The following FMO5 variants were observed in gnomAD, a reference collection of about 807,000 sequenced individuals.
FMO5 encodes flavin-containing monooxygenase 5.
Under a neutral mutation model 43.6 loss-of-function variants are expected in FMO5, and 51 were observed. The ratio of observed to expected loss-of-function variants is 1.17; its 90% CI spans 0.93 to 1.48. The LOEUF (loss-of-function observed/expected upper bound fraction) is 1.48, where lower values mean the gene tolerates loss of function less well. Ranked by LOEUF, FMO5 falls within the 40% of genes most tolerant of loss-of-function variation. The probability of loss-of-function intolerance (pLI) is 0.00; values close to 1 mark genes in which losing one functional copy is unlikely to be tolerated. For synonymous variants in FMO5, 187 were observed against 216.5 expected (o/e 0.86, Z 1.20); for missense variants, 644 against 643.0 (o/e 1.00, Z -0.02).
chr1:147,186,361 C>CA lies in FMO5; in HGVS notation c.*538dup, dbSNP rs587634161. On this transcript the variant is annotated 3_prime_UTR_variant, in exon 9 of 9. Transcript: ENST00000254090. ...GTACACTAGTGAATAGCAAGTGAAA[C>CA]AAAATGTCTTAAGCATCTATATGTC... 1 of 954,216 alleles carries CA rather than the reference C, an allele frequency of 1.0e-6. No homozygotes were observed. Among genetic ancestry groups the CA allele is most frequent in the African/African-American group, 1.8e-5 (1 of 56,472 alleles). 59.1% of individuals were successfully genotyped at this position (954,216 alleles called of 1,614,324 possible). A position where few individuals can be genotyped will look rare whatever the true frequency, so the allele number is the denominator to read the frequency against.
downstream of FMO5, among the ~76,000 whole-genome samples, chr1:147,184,801 T>A (rs1655476377): frequency 6.6e-6 from 1 of 152,112 alleles, no homozygotes; most frequent in Admixed American, 6.6e-5. The surrounding 1 kb of genome is among the most constrained non-coding windows in gnomAD (Gnocchi z 4.4). Context: ...ATTTTCCCCC[T>A]TTCCATATGT....
In FMO5 at chr1:147,203,996, A is replaced by G. The variant is rs587631886; in HGVS notation, c.831-2492T>C. On this transcript the variant is annotated intron_variant, in intron 6 of 8. Coordinates refer to ENST00000254090, the MANE Select transcript of FMO5 (RefSeq NM_001461.4). ...GACATCCCATTTTGAGTTTAGCTTC[A>G]CTAACATCATATTATATTTGTTTGC... is the stretch of plus-strand genomic sequence containing the variant. 55 of 1,161,378 alleles carry G rather than the reference A, an allele frequency of 4.7e-5. No homozygotes were observed. The African/African-American group carries it at 6.8e-4, about 14-fold the overall frequency. 71.9% of individuals were successfully genotyped at this position (1,161,378 alleles called of 1,614,324 possible). A position where few individuals can be genotyped will look rare whatever the true frequency, so the allele number is the denominator to read the frequency against.
chr1:147,190,836 C>T (rs1312166074), intron 7 of FMO5, among the ~76,000 whole-genome samples: 1 of 151,736 alleles, frequency 6.6e-6, no homozygotes, highest in South Asian at 2.1e-4. Flanking sequence ...CTCCCCACTA[C>T]CCCCACCCCA....
At chr1:147,204,986 C>G (rs1489639613) in intron 6 of FMO5, 1 of 1,017,928 alleles carries the variant, frequency 9.8e-7, no homozygotes, top group Non-Finnish European at 1.5e-6. Context: ...GCGGAGGAAC[C>G]AAAGGTTTTC....
At position 147,209,042 on chromosome 1, in the gene FMO5, T is replaced by A. The variant is rs782373884; in HGVS notation, c.640A>T (p.Ser214Cys). The A allele has an allele frequency of 6.2e-7, 1 of 1,613,568 alleles. No homozygotes were observed. Among genetic ancestry groups the A allele is most frequent in the East Asian group, 2.2e-5 (1 of 44,864 alleles). ...ISQTAKQVFL[S>C]TRRGAWILNR... ...AGGATCCAAGCCCCTCTCCTGGTGC[T>A]GAGGAAAACCTGGGGCATGGAAGAA... Residue 214 changes from serine (S) to cysteine (C), a missense_variant, in exon 6 of 9, where the codon AGC (serine) becomes TGC (cysteine). Ser to Cys is a moderately radical substitution (Grantham distance 112). Coordinates refer to ENST00000254090, the MANE Select transcript of FMO5 (RefSeq NM_001461.4).
downstream of FMO5, chr1:147,186,174 A>T: frequency 4.5e-6 from 1 of 224,238 alleles, no homozygotes; most frequent in Non-Finnish European, 7.5e-6. Context: ...AAAAGGTAGG[A>T]CAGCTAATTT....
intron 6 of FMO5, 145 bp downstream of exon 6, chr1:147,208,706 TG>T: frequency 1.6e-6 from 1 of 624,698 alleles, no homozygotes; most frequent in South Asian, 1.9e-5. Flanking sequence ...CCCAGAGTGC[TG>T]GGATTACAGG....
intron 2 of FMO5, among the ~76,000 whole-genome samples, chr1:147,216,746 C>T (rs2102008563): frequency 6.6e-6 from 1 of 152,288 alleles, no homozygotes; most frequent in South Asian, 2.1e-4. Context: ...GCAGCTGGGG[C>T]TTCCCTTGAG....
chr1:147,203,320 TTGGGCCCACCATCTG>T (rs1659384914), intron 6 of FMO5: 13 of 1,594,052 alleles, frequency 8.2e-6, no homozygotes, highest in African/African-American at 6.7e-5. Context: ...ACTTGGAGGC[TTGGGCCCACCATCTG>T]GTTTTGCCAT....
chr1:147,197,452 T>G (rs1553920029), intron 7 of FMO5, among the ~76,000 whole-genome samples: 1 of 152,092 alleles, frequency 6.6e-6, no homozygotes, highest in Admixed American at 6.5e-5. Context: ...AAATCTTATC[T>G]TGAATTTTGG....
At chr1:147,209,296 G>A (rs1316680959) in intron 5 of FMO5, among the ~76,000 whole-genome samples, 1 of 152,084 alleles carries the variant, frequency 6.6e-6, no homozygotes, top group African/African-American at 2.4e-5. Flanking sequence ...AAATTAGCCA[G>A]GCGTGGTTGC....
In FMO5 at chr1:147,225,016, CT is replaced by C; in HGVS notation, c.13del (p.Arg5GlufsTer4). ...CACTCCTCCCCCAATCACAGCAATT[CT>C]TTTCTTAGTCATGGTCTCCCGAGAT... The part of the protein sequence containing the change: MTKK[R>X]IAVIGGGVSG... On this transcript the variant is annotated frameshift_variant, in exon 2 of 9. Transcript: ENST00000254090. LOFTEE classifies it high-confidence loss of function. 6.6e-7 allele frequency: 1 copy of C among 1,518,976 alleles called. No homozygotes were observed. The highest frequency in any genetic ancestry group is 1.8e-5 in the African/African-American group (1 of 55,640). 94.1% of individuals were successfully genotyped at this position (1,518,976 alleles called of 1,614,324 possible).
At chr1:147,213,256 G>T in intron 4 of FMO5, 52 bp downstream of exon 4, 2 of 1,436,536 alleles carry the variant, frequency 1.4e-6, no homozygotes, top group Non-Finnish European at 1.9e-6. Flanking sequence ...ATTCCTCAGG[G>T]GTCAGGTCAC....
chr1:147,202,032 T>C (rs1659059330), intron 6 of FMO5, among the ~76,000 whole-genome samples: 1 of 152,188 alleles, frequency 6.6e-6, no homozygotes, highest in African/African-American at 2.4e-5. Context: ...GCAGAATAGG[T>C]GTCATTATCC....
intron 8 of FMO5, 43 bp from the exon 9 acceptor site, chr1:147,187,288 ATCAG>A (rs782177743): frequency 8.5e-5 from 123 of 1,440,930 alleles, no homozygotes; most frequent in Non-Finnish European, 9.3e-5. Flanking sequence ...CAATAATTCA[ATCAG>A]TCAGTCAATC....
chr1:147,203,164 A>T (rs1198783938), intron 6 of FMO5: 3 of 579,350 alleles, frequency 5.2e-6, no homozygotes, highest in Admixed American at 3.4e-5. Context: ...TCCAGCCAAG[A>T]ATACAAACAC....
Position 147,209,052 on chromosome 1 carries a change from C to A in FMO5, c.631-1G>T, listed in dbSNP as rs142716484. 1.5e-4 allele frequency: 240 copies of A among 1,612,662 alleles called. No individual in the cohort carries two copies. The highest frequency in any genetic ancestry group is 6.9e-4 in the African/African-American group (52 of 74,944). On this transcript the variant is annotated splice_acceptor_variant, in intron 5 of 8. Coordinates refer to ENST00000254090, the MANE Select transcript of FMO5 (RefSeq NM_001461.4). LOFTEE classifies it high-confidence loss of function. ...CCCCTCTCCTGGTGCTGAGGAAAAC[C>A]TGGGGCATGGAAGAAATTGTTTGCT... is the stretch of plus-strand genomic sequence containing the variant.
chr1:147,205,031 C>T, intron 6 of FMO5: 1 of 711,590 alleles, frequency 1.4e-6, no homozygotes, highest in South Asian at 1.5e-5. Flanking sequence ...TTCAGTCACT[C>T]TTCCATCTTT....
chr1:147,199,041 G>A (rs1553920359), intron 7 of FMO5, among the ~76,000 whole-genome samples: 1 of 152,008 alleles, frequency 6.6e-6, no homozygotes, highest in African/African-American at 2.4e-5. Flanking sequence ...TGCAAGGGCT[G>A]CAAAAGACGC....
Sources: allele counts gnomAD v4.1 joint callset (sites outside exome capture counted in the v4.1 genomes callset), GRCh38; gene constraint gnomAD v4.1.1; non-coding constraint Gnocchi (gnomAD v3.1); transcripts MANE v1.5; gene names NCBI Gene and HGNC (gene_info 2026-07-23, HGNC 2026-07-21).